P4HA2: variants seen among roughly 807,000 people sequenced by gnomAD.
The protein encoded by P4HA2 is prolyl 4-hydroxylase subunit alpha 2, also known as prolyl 4-hydroxylase subunit alpha-2.
A neutral mutation model predicts 76.9 loss-of-function variants in P4HA2; 46 were observed. The observed-to-expected ratio is 0.60, with a 90% CI of 0.47 to 0.76. The LOEUF is 0.76. Ranked by LOEUF, P4HA2 falls within the 30% of genes least tolerant of loss-of-function variation. The pLI is 0.00. For missense variants in P4HA2, 583 were observed against 669.4 expected (o/e 0.87, Z 1.42); for synonymous variants, 243 against 254.0 (o/e 0.96, Z 0.41).
rs1341547612 is a variant in P4HA2 at position 132,191,463 on chromosome 5, G to C, written c.*1547C>G. Among the ~76,000 whole-genome samples, 3 of 137,442 alleles carry C rather than the reference G, an allele frequency of 2.2e-5. No homozygotes were observed. Among genetic ancestry groups the C allele is most frequent in the Non-Finnish European group, 4.5e-5 (3 of 66,076 alleles). 90.2% of individuals were successfully genotyped at this position (137,442 alleles called of 152,430 possible). A position where few individuals can be genotyped will look rare whatever the true frequency, so the allele number is the denominator to read the frequency against. On this transcript the variant is annotated 3_prime_UTR_variant, in exon 15 of 15. Transcript: ENST00000360568. ...GGAGGCGGAGCTTGCAGTGAGCCGA[G>C]ATCCCGCCACTGCACTCCAGCCTGG... is the stretch of plus-strand genomic sequence containing the variant.
chr5:132,215,845 C>G (rs1753772270), intron 4 of P4HA2, among the ~76,000 whole-genome samples: 1 of 100,548 alleles, frequency 9.9e-6, no homozygotes, highest in Non-Finnish European at 1.9e-5. Flanking sequence ...GAGACCCTGT[C>G]CCTTTAAAAA....
Position 132,199,195 on chromosome 5 carries a change from T to C in P4HA2, c.1252-263A>G, listed in dbSNP as rs886143573. Among the ~76,000 whole-genome samples the C allele has an allele frequency of 3.5e-4, 54 of 152,172 alleles. 1 individual carries two copies. Among genetic ancestry groups the C allele is most frequent in the Admixed American group, 1.8e-3 (28 of 15,282 alleles). On this transcript the variant is annotated intron_variant, in intron 10 of 14. Transcript: ENST00000360568. ...AGATGGGTGAACTGCATATGATCAC[T>C]GAGGAAAAGCACCAGCCCTTCATGG...
intron 11 of P4HA2, 33 bp from the exon 12 acceptor site, chr5:132,198,413 C>T: frequency 6.2e-7 from 1 of 1,604,666 alleles, no homozygotes; most frequent in Non-Finnish European, 8.5e-7. Context: ...CCCAAGTTTA[C>T]AACAGGCTTC....
chr5:132,195,353 T>G lies in P4HA2; in HGVS notation c.1434+59A>C. 3 of 1,260,288 alleles carry G rather than the reference T, an allele frequency of 2.4e-6. No homozygotes were observed. In the South Asian group the frequency reaches 3.6e-5, roughly 15 times the overall value. The allele number at this position is 1,260,288 out of a possible 1,614,324, so 78.1% of individuals were successfully genotyped here. ...GGCCAGGTAATGGTACTGGGGGACA[T>G]GGACAAAGTAAAGTCTGAGCCTTGC... On this transcript the variant is annotated intron_variant, in intron 13 of 14. Coordinates refer to ENST00000360568, the MANE Select transcript of P4HA2 (RefSeq NM_001017974.2).
chr5:132,217,355 A>C lies in P4HA2; in HGVS notation c.180-7T>G. ...TTCCATTTTGTTGGCCCAGCTGTGGAACCAGAGGAAAAGGAAGACTAATGC... is the reference window on the plus strand; with the variant it reads ...TTCCATTTTGTTGGCCCAGCTGTGGCACCAGAGGAAAAGGAAGACTAATGC... On this transcript the variant is annotated splice_polypyrimidine_tract_variant and splice_region_variant and intron_variant, in intron 3 of 14. Transcript: ENST00000360568. The C allele has an allele frequency of 6.2e-7, 1 of 1,614,072 alleles. No individual in the cohort carries two copies. Among genetic ancestry groups the C allele is most frequent in the Non-Finnish European group, 8.5e-7 (1 of 1,179,942 alleles).
intron 4 of P4HA2, among the ~76,000 whole-genome samples, chr5:132,214,738 A>G (rs1205433758): frequency 1.3e-5 from 2 of 151,696 alleles, no homozygotes; most frequent in Admixed American, 1.3e-4. Context: ...CCCCTAAGAG[A>G]CCACGGTGGG....
At chr5:132,203,966 AG>A in intron 9 of P4HA2, 115 bp downstream of exon 9, 1 of 1,137,750 alleles carries the variant, frequency 8.8e-7, no homozygotes, top group Non-Finnish European at 1.3e-6. Flanking sequence ...GCCTGCTGCA[AG>A]GGGGTGAGGA....
At position 132,191,490 on chromosome 5, in the gene P4HA2, C is replaced by T. The variant is rs965904166; in HGVS notation, c.*1520G>A. Among the ~76,000 whole-genome samples the T allele has an allele frequency of 6.2e-5, 8 of 128,992 alleles. No individual in the cohort carries two copies. The South Asian group carries it at 7.3e-4, about 12-fold the overall frequency. 84.6% of individuals were successfully genotyped at this position (128,992 alleles called of 152,430 possible). On this transcript the variant is annotated 3_prime_UTR_variant, in exon 15 of 15. Coordinates refer to ENST00000360568, the MANE Select transcript of P4HA2 (RefSeq NM_001017974.2). ...TCCCGCCACTGCACTCCAGCCTGGG[C>T]GACAGAGCGAGACTCCGTCTCAAAA...
intron 4 of P4HA2, among the ~76,000 whole-genome samples, 185 bp downstream of exon 4, chr5:132,217,012 A>C (rs1285922206): frequency 3.3e-5 from 5 of 152,212 alleles, no homozygotes; most frequent in Non-Finnish European, 5.9e-5. Context: ...ACATGTTAAA[A>C]ACCAAGGCCA....
At chr5:132,210,810 C>A (rs1045270921) in intron 5 of P4HA2, among the ~76,000 whole-genome samples, 12 of 152,092 alleles carry the variant, frequency 7.9e-5, no homozygotes, top group African/African-American at 2.7e-4. Flanking sequence ...CACCAGGAAG[C>A]ATTGTTGAGG....
chr5:132,224,714 G>GT lies in P4HA2; in HGVS notation c.-19+3075_-19+3076insA, dbSNP rs1399309011. On this transcript the variant is annotated intron_variant, in intron 1 of 14. Transcript: ENST00000360568. ...ATCAAGCAATGTTCTCTAGCAAAAGGCGGGGGATTGGACCAATACTCTAGG... is the reference window on the plus strand; with the variant it reads ...ATCAAGCAATGTTCTCTAGCAAAAGGTCGGGGGATTGGACCAATACTCTAGG... Among the ~76,000 whole-genome samples the GT allele has an allele frequency of 6.0e-5, 8 of 133,766 alleles. No individual in the cohort carries two copies. In the East Asian group the frequency reaches 2.0e-3, roughly 34 times the overall value. 87.8% of individuals were successfully genotyped at this position (133,766 alleles called of 152,430 possible).
chr5:132,205,341 G>A (rs1752068110), intron 8 of P4HA2, among the ~76,000 whole-genome samples: 1 of 152,166 alleles, frequency 6.6e-6, no homozygotes, highest in South Asian at 2.1e-4. Flanking sequence ...GGGTGTTGCA[G>A]TAGGTGTGGA....
Position 132,192,825 on chromosome 5 carries a change from G to GGC in P4HA2, c.*183_*184dup. 2 of 571,936 alleles carry GGC rather than the reference G, an allele frequency of 3.5e-6. No individual in the cohort carries two copies. Among genetic ancestry groups the GGC allele is most frequent in the Admixed American group, 6.0e-5 (2 of 33,276 alleles). The allele number at this position is 571,936 out of a possible 1,614,324, so 35.4% of individuals were successfully genotyped here. On this transcript the variant is annotated 3_prime_UTR_variant, in exon 15 of 15. Coordinates refer to ENST00000360568, the MANE Select transcript of P4HA2 (RefSeq NM_001017974.2). The stretch of plus-strand genomic sequence containing the variant: ...TAGCCTTGGGGCCAGGGATGGCACA[G>GGC]GCTGAATGGAAGGGCTGGGACTTCA...
intron 14 of P4HA2, 45 bp from the exon 15 acceptor site, chr5:132,193,125 A>T: frequency 7.3e-7 from 1 of 1,378,594 alleles, no homozygotes; most frequent in Non-Finnish European, 1.0e-6. Context: ...TGGTCAGTTT[A>T]GTAGCCTGAA....
At chr5:132,206,393 T>C (rs1752221443) in intron 8 of P4HA2, among the ~76,000 whole-genome samples, 1 of 152,168 alleles carries the variant, frequency 6.6e-6, no homozygotes. Flanking sequence ...CTAGATGTCC[T>C]AGTACCTCAA....
chr5:132,218,540 CG>C lies in P4HA2; in HGVS notation c.82+4del. ...CAGGGAGACGACAGTCCTGTTGGCA[CG>C]TACCAATAGAGGTGAAGAATTCGGC... On this transcript the variant is annotated splice_donor_region_variant and intron_variant, in intron 2 of 14. Transcript: ENST00000360568. 6.2e-7 allele frequency: 1 copy of C among 1,604,814 alleles called. No individual in the cohort carries two copies. Among genetic ancestry groups the C allele is most frequent in the South Asian group, 1.1e-5 (1 of 90,854 alleles).
rs963210540 is a variant in P4HA2, at chr5:132,191,761, G to A, written c.*1249C>T. ...TCCACTCCTAGATATATATCCTACA[G>A]AAATATGTGTTTATATGTGCACCAG... On this transcript the variant is annotated 3_prime_UTR_variant, in exon 15 of 15. Transcript: ENST00000360568. The A allele has an allele frequency of 1.3e-5, 2 of 152,130 alleles. No homozygotes were observed. The highest frequency in any genetic ancestry group is 4.8e-5 in the African/African-American group (2 of 41,404). The allele number at this position is 152,130 out of a possible 1,614,324, so 9.4% of individuals were successfully genotyped here. A position where few individuals can be genotyped will look rare whatever the true frequency, so the allele number is the denominator to read the frequency against.
rs757330321 is a variant in P4HA2, at chr5:132,217,808, C to T, written c.123G>A (p.Val41=). Residue 41 remains valine (V), a synonymous_variant, in exon 3 of 15, where the codon GTG becomes GTA. Transcript: ENST00000360568. ...CAAGGATGTACTCTTTCAGAGACTG[C>T]ACCAGCTCTTTCTCTGCATAAATCA... ...TDLIYAEKEL[V]QSLKEYILVE... 20 of 1,613,188 alleles carry T rather than the reference C, an allele frequency of 1.2e-5. No individual in the cohort carries two copies. Among genetic ancestry groups the T allele is most frequent in the Non-Finnish European group, 1.5e-5 (18 of 1,179,210 alleles).
At chr5:132,213,778 T>G in intron 5 of P4HA2, 138 bp downstream of exon 5, 1 of 740,812 alleles carries the variant, frequency 1.3e-6, no homozygotes, top group Non-Finnish European at 2.3e-6. Flanking sequence ...GGAGAGGGAG[T>G]CCAGCACAAA....
Sources: gnomAD v4.1 joint callset for allele counts (sites outside exome capture counted in the v4.1 genomes callset) on GRCh38, gnomAD v4.1.1 for gene constraint, MANE v1.5 for transcripts, NCBI Gene and HGNC (gene_info 2026-07-23, HGNC 2026-07-21) for gene names.